MACROD2: variants seen among roughly 807,000 people sequenced by gnomAD.
MACROD2 encodes the protein ADP-ribose glycohydrolase MACROD2.
MACROD2 carries 36 observed loss-of-function variants against 70.4 expected under a neutral mutation model. That is an observed-to-expected ratio of 0.51 (90% CI 0.39 to 0.68). The LOEUF (loss-of-function observed/expected upper bound fraction) is 0.68. Ranked by LOEUF, MACROD2 falls within the 30% of genes least tolerant of loss-of-function variation. The pLI is 0.00. For synonymous variants in MACROD2, 172 were observed against 178.8 expected, an observed-to-expected ratio of 0.96 and a Z score of 0.30; for missense variants, 496 against 538.4, an observed-to-expected ratio of 0.92 and a Z score of 0.78.
intron 13 of MACROD2, among the ~76,000 whole-genome samples, chr20:15,980,372 T>A (rs1425940509): frequency 2.0e-5 from 3 of 152,218 alleles, no homozygotes; most frequent in Non-Finnish European, 4.4e-5. Context: ...AGACTCTCAC[T>A]TTTTCTTAGT....
intron 5 of MACROD2, among the ~76,000 whole-genome samples, chr20:14,896,162 G>A (rs1204718613): frequency 6.6e-6 from 1 of 152,116 alleles, no homozygotes; most frequent in Non-Finnish European, 1.5e-5. Flanking sequence ...GGGCGTGGTG[G>A]TGGGCGCCTG....
In MACROD2 at chr20:14,810,665, T is replaced by C. The variant is rs544654363; in HGVS notation, c.418+125706T>C. On this transcript the variant is annotated intron_variant, in intron 5 of 17. Transcript: ENST00000684519. The stretch of plus-strand genomic sequence containing the variant: ...AAGTCAAATTATCTCTGTTTGCAGA[T>C]GACATGATTGTATATTTAGAAAACC... 7.0e-4 allele frequency among the ~76,000 whole-genome samples: 107 copies of C among 152,144 alleles called. 1 individual carries two copies. The highest frequency in any genetic ancestry group is 1.8e-4 in the Non-Finnish European group (12 of 67,972).
intron 8 of MACROD2, among the ~76,000 whole-genome samples, chr20:15,754,164 G>A (rs1371041498): frequency 6.6e-6 from 1 of 152,170 alleles, no homozygotes; most frequent in African/African-American, 2.4e-5. Flanking sequence ...TAAATGTAAA[G>A]TATTACTTAT....
chr20:15,402,175 A>G (rs2045939356), intron 6 of MACROD2, among the ~76,000 whole-genome samples: 2 of 152,096 alleles, frequency 1.3e-5, no homozygotes, highest in South Asian at 2.1e-4. Context: ...GGGGAGATCA[A>G]TTACATTTCC....
chr20:15,403,313 G>A (rs970743771), intron 6 of MACROD2, among the ~76,000 whole-genome samples: 1 of 151,698 alleles, frequency 6.6e-6, no homozygotes, highest in African/African-American at 2.4e-5. Flanking sequence ...AGGAGAAGTG[G>A]TATTTGTTCT....
At chr20:15,640,754 C>T (rs1363156257) in intron 8 of MACROD2, among the ~76,000 whole-genome samples, 4 of 152,190 alleles carry the variant, frequency 2.6e-5, no homozygotes, top group Non-Finnish European at 5.9e-5. Context: ...TTCATGAAGC[C>T]TGGGAGCCTC....
chr20:15,751,264 T>C, intron 8 of MACROD2, among the ~76,000 whole-genome samples: 1 of 152,066 alleles, frequency 6.6e-6, no homozygotes, highest in East Asian at 1.9e-4. Context: ...TATGTATAAT[T>C]ATGATGTATC....
intron 6 of MACROD2, among the ~76,000 whole-genome samples, chr20:15,237,130 G>T (rs190816701): frequency 2.0e-4 from 30 of 152,268 alleles, no homozygotes; most frequent in Admixed American, 1.8e-3. Context: ...CGTTTTGCCA[G>T]ACAGTCATAT....
At chr20:14,036,569 C>T (rs2053313044) in intron 2 of MACROD2, among the ~76,000 whole-genome samples, 1 of 152,178 alleles carries the variant, frequency 6.6e-6, no homozygotes, top group South Asian at 2.1e-4. Context: ...ATGCCTTATA[C>T]AAAGGTAACT....
In MACROD2 at chr20:15,768,003, A is replaced by G. The variant is rs1051244385; in HGVS notation, c.646-94742A>G. Among the ~76,000 whole-genome samples the G allele has an allele frequency of 3.3e-5, 5 of 152,048 alleles. No homozygotes were observed. In the South Asian group the frequency reaches 8.3e-4, roughly 25 times the overall value. On this transcript the variant is annotated intron_variant, in intron 8 of 17. Transcript: ENST00000684519. ...CAACCATTATTTATAAAGCTGTATC[A>G]TATCTTAGAATTAGCATATTAGCAT...
chr20:15,816,969 T>A (rs1399447158), intron 8 of MACROD2, among the ~76,000 whole-genome samples: 1 of 152,180 alleles, frequency 6.6e-6, no homozygotes, highest in African/African-American at 2.4e-5. Context: ...CAATACCTAC[T>A]TGTCCACGCA....
At position 15,594,120 on chromosome 20, in the gene MACROD2, G is replaced by A. The variant is rs77165153; in HGVS notation, c.645+94273G>A. On this transcript the variant is annotated intron_variant, in intron 8 of 17. Transcript: ENST00000684519. ...TCAAGAGTGTGGGCATTGAAGACAGGCTGCCCCCATCCCTACATGCAATAA... is the reference window on the plus strand; with the variant it reads ...TCAAGAGTGTGGGCATTGAAGACAGACTGCCCCCATCCCTACATGCAATAA... Among the ~76,000 whole-genome samples the A allele has an allele frequency of 7.7e-3, 1,171 of 152,232 alleles. 21 individuals carry two copies. The East Asian group carries it at 0.083, about 11-fold the overall frequency.
chr20:14,854,873 G>T (rs1018679099), intron 5 of MACROD2, among the ~76,000 whole-genome samples: 1 of 152,034 alleles, frequency 6.6e-6, no homozygotes, highest in Non-Finnish European at 1.5e-5. Context: ...AAAATTAGCC[G>T]GGTGTGGTGG....
chr20:15,180,746 C>T (rs2076494573), intron 5 of MACROD2, among the ~76,000 whole-genome samples: 1 of 152,220 alleles, frequency 6.6e-6, no homozygotes, highest in East Asian at 1.9e-4. Flanking sequence ...CCGCCTTGGC[C>T]TCCCAAAGTT....
At chr20:14,082,217 C>T (rs772484669) in intron 2 of MACROD2, among the ~76,000 whole-genome samples, 15 of 105,968 alleles carry the variant, frequency 1.4e-4, no homozygotes, top group Non-Finnish European at 2.2e-4. Flanking sequence ...CTCCATCTGT[C>T]GCCCAGGCTG....
intron 3 of MACROD2, among the ~76,000 whole-genome samples, chr20:14,219,872 A>G (rs1447648051): frequency 6.6e-6 from 1 of 152,118 alleles, no homozygotes; most frequent in Admixed American, 6.5e-5. Context: ...GTCCTGTGAT[A>G]CCAACCATCT....
At chr20:15,203,402 T>G (rs2076674161) in intron 5 of MACROD2, among the ~76,000 whole-genome samples, 1 of 152,146 alleles carries the variant, frequency 6.6e-6, no homozygotes, top group East Asian at 1.9e-4. Context: ...AGTCTTTGTT[T>G]TGTTTTCATT....
At chr20:14,578,059 C>T (rs1272544390) in intron 4 of MACROD2, among the ~76,000 whole-genome samples, 1 of 151,846 alleles carries the variant, frequency 6.6e-6, no homozygotes, top group East Asian at 1.9e-4. Context: ...TATGACTTGC[C>T]ACCTTCTTAC....
At chr20:15,983,908 TA>T (rs1328544004) in intron 13 of MACROD2, among the ~76,000 whole-genome samples, 1 of 152,226 alleles carries the variant, frequency 6.6e-6, no homozygotes, top group African/African-American at 2.4e-5. Flanking sequence ...ATGTTTCCTT[TA>T]ACACCTATTT....
Sources: allele counts gnomAD v4.1 joint callset (sites outside exome capture counted in the v4.1 genomes callset), GRCh38; gene constraint gnomAD v4.1.1; transcripts MANE v1.5; gene names NCBI Gene and HGNC (gene_info 2026-07-23, HGNC 2026-07-21).